ERBB4: variants seen among roughly 807,000 people sequenced by gnomAD.
ERBB4 encodes erb-b2 receptor tyrosine kinase 4.
ERBB4 carries 42 observed loss-of-function variants against 158.0 expected under a neutral mutation model. The ratio of observed to expected loss-of-function variants is 0.27; its 90% CI spans 0.21 to 0.34. The LOEUF (loss-of-function observed/expected upper bound fraction) is 0.34. ERBB4 is among the 10% of genes least tolerant of loss of function. ERBB4 has a pLI of 1.00. For missense variants in ERBB4, 1,333 were observed against 1,624.1 expected, an observed-to-expected ratio of 0.82 and a Z score of 3.08; for synonymous variants, 583 against 558.7, an observed-to-expected ratio of 1.04 and a Z score of -0.61.
At chr2:212,103,987 G>T (rs1473929619) in intron 2 of ERBB4, among the ~76,000 whole-genome samples, 2 of 151,924 alleles carry the variant, frequency 1.3e-5, no homozygotes, top group Admixed American at 1.3e-4. Flanking sequence ...AGCATTAAAT[G>T]GTCCTTAAGA....
At chr2:211,646,010 G>A (rs1559377906) in intron 16 of ERBB4, among the ~76,000 whole-genome samples, 1 of 151,532 alleles carries the variant, frequency 6.6e-6, no homozygotes, top group Non-Finnish European at 1.5e-5. Context: ...GGAGTTGGTG[G>A]TAAACTGATA....
chr2:211,887,348 T>C (rs1170908177), intron 3 of ERBB4, among the ~76,000 whole-genome samples: 2 of 152,136 alleles, frequency 1.3e-5, no homozygotes, highest in South Asian at 2.1e-4. Flanking sequence ...AACCCTAAAT[T>C]CTACATTGAA....
At chr2:212,062,217 G>T (rs2077794525) in intron 2 of ERBB4, among the ~76,000 whole-genome samples, 1 of 151,946 alleles carries the variant, frequency 6.6e-6, no homozygotes, top group African/African-American at 2.4e-5. Context: ...TTTCACAAAA[G>T]TCTACATGTA....
intron 1 of ERBB4, among the ~76,000 whole-genome samples, chr2:212,492,744 G>C (rs991097304): frequency 2.0e-5 from 3 of 151,344 alleles, no homozygotes; most frequent in African/African-American, 7.3e-5. Context: ...TTGGAACTCT[G>C]AATAAGCCAT....
intron 1 of ERBB4, among the ~76,000 whole-genome samples, chr2:212,192,594 A>C (rs1038647028): frequency 2.6e-5 from 4 of 152,156 alleles, no homozygotes; most frequent in African/African-American, 9.6e-5. Context: ...AAATAGAACA[A>C]TAATGCCTTT....
intron 1 of ERBB4, among the ~76,000 whole-genome samples, chr2:212,303,277 T>C (rs955885389): frequency 5.9e-5 from 9 of 151,458 alleles, no homozygotes; most frequent in Admixed American, 5.9e-4. Context: ...GGAGGGATGT[T>C]CAGGATTTCT....
intron 2 of ERBB4, among the ~76,000 whole-genome samples, chr2:212,027,864 G>A (rs2076810821): frequency 6.6e-6 from 1 of 151,824 alleles, no homozygotes; most frequent in Non-Finnish European, 1.5e-5. Flanking sequence ...TTGCATCTGA[G>A]TCATGCGGAT....
At chr2:211,436,164 GA>G (rs965167484) in intron 20 of ERBB4, among the ~76,000 whole-genome samples, 6 of 152,066 alleles carry the variant, frequency 3.9e-5, no homozygotes, top group African/African-American at 1.4e-4. Context: ...TACTTTGGCA[GA>G]AAAAAACTAT....
chr2:212,212,614 A>C (rs10173821), intron 1 of ERBB4, among the ~76,000 whole-genome samples: 79,010 of 151,772 alleles, frequency 0.52, 20,964 homozygotes, highest in East Asian at 0.77. Context: ...AGCCAAGACA[A>C]TCCTATGCAA....
rs1491239788 is a variant in ERBB4 at position 211,939,966 on chromosome 2, A to AAAATATAT, written c.421+7463_421+7464insATATATTT. Among the ~76,000 whole-genome samples the AAAATATAT allele has an allele frequency of 3.7e-3, 511 of 137,424 alleles. 4 individuals are homozygous for AAAATATAT. The highest frequency in any genetic ancestry group is 5.2e-3 in the Non-Finnish European group (341 of 65,048). The allele number at this position is 137,424 out of a possible 152,430, so 90.2% of individuals were successfully genotyped here. On this transcript the variant is annotated intron_variant, in intron 3 of 27. Transcript: ENST00000342788. Reference sequence around the variant, plus strand: ...CGTCTCAAAAAAAAAGGAAAAAAAAAATATATATATATATGTATATAGATA... The same window carrying AAAATATAT: ...CGTCTCAAAAAAAAAGGAAAAAAAAAAAATATATATATATATATATATGTATATAGATA...
At chr2:211,392,558 C>CCACACACACACACACACA (rs5838261) in intron 25 of ERBB4, among the ~76,000 whole-genome samples, 8 of 140,916 alleles carry the variant, frequency 5.7e-5, no homozygotes, top group African/African-American at 2.1e-4. Flanking sequence ...CTCTCTTACT[C>CCACACACACACACACACA]CACACACACA....
chr2:211,722,571 A>T, intron 6 of ERBB4, 37 bp from the exon 7 acceptor site: 2 of 1,604,882 alleles, frequency 1.2e-6, no homozygotes, highest in Non-Finnish European at 1.7e-6. Context: ...TTTACAAATA[A>T]ACTCATAATA....
intron 1 of ERBB4, among the ~76,000 whole-genome samples, chr2:212,484,177 T>C (rs7564857): frequency 0.012 from 1,876 of 152,338 alleles, 40 homozygotes; most frequent in African/African-American, 0.043. Flanking sequence ...AGTTGTGACT[T>C]CTGGACCATC....
chr2:211,853,019 A>T (rs1200325532), intron 3 of ERBB4, among the ~76,000 whole-genome samples: 1 of 151,918 alleles, frequency 6.6e-6, no homozygotes, highest in African/African-American at 2.4e-5. Flanking sequence ...CTACTACTGG[A>T]TCTAGTTCTG....
At chr2:211,821,769 T>A (rs2077000448) in intron 3 of ERBB4, among the ~76,000 whole-genome samples, 1 of 151,994 alleles carries the variant, frequency 6.6e-6, no homozygotes, top group African/African-American at 2.4e-5. Context: ...GAACAGTTTG[T>A]TTAACAAATG....
At chr2:211,727,798 C>T (rs555720396) in intron 5 of ERBB4, among the ~76,000 whole-genome samples, 6 of 152,038 alleles carry the variant, frequency 3.9e-5, no homozygotes, top group African/African-American at 1.4e-4. Context: ...ACAACCAATA[C>T]AAACATCAAA....
At chr2:212,203,487 G>A (rs1396702197) in intron 1 of ERBB4, among the ~76,000 whole-genome samples, 1 of 152,162 alleles carries the variant, frequency 6.6e-6, no homozygotes, top group Non-Finnish European at 1.5e-5. Context: ...CCATTATCCA[G>A]ATTTTGGCTT....
intron 2 of ERBB4, among the ~76,000 whole-genome samples, chr2:212,003,212 A>AGAAAGAAAGAAGGAAGGAAG (rs2076173198): frequency 4.9e-5 from 2 of 40,484 alleles, no homozygotes; most frequent in African/African-American, 1.3e-4. Context: ...AAAGACAGAA[A>AGAAAGAAAGAAGGAAGGAAG]GAAGGAAGGA....
intron 19 of ERBB4, among the ~76,000 whole-genome samples, chr2:211,580,766 A>T: frequency 7.4e-6 from 1 of 134,924 alleles, no homozygotes; most frequent in East Asian, 2.1e-4. Context: ...CCATCAATCA[A>T]CGGGTAGATA....
Sources: allele counts gnomAD v4.1 joint callset (sites outside exome capture counted in the v4.1 genomes callset), GRCh38; gene constraint gnomAD v4.1.1; transcripts MANE v1.5; gene names NCBI Gene and HGNC (gene_info 2026-07-23, HGNC 2026-07-21).